EYA4: variants seen among roughly 807,000 people sequenced by gnomAD.
The protein encoded by EYA4 is protein phosphatase EYA4.
A neutral mutation model predicts 87.9 loss-of-function variants in EYA4; 31 were observed. That is an observed-to-expected ratio of 0.35 (90% confidence interval 0.27 to 0.48). The LOEUF (loss-of-function observed/expected upper bound fraction) is 0.48. Among genes scored for constraint, EYA4 ranks in the 20% least tolerant of loss-of-function variants. EYA4 has a pLI of 0.99. For missense variants in EYA4, 678 were observed against 761.4 expected, an observed-to-expected ratio of 0.89 and a Z score of 1.29; for synonymous variants, 263 against 270.6, an observed-to-expected ratio of 0.97 and a Z score of 0.28.
At chr6:133,415,497 C>T (rs574550871) in intron 3 of EYA4, among the ~76,000 whole-genome samples, 19 of 152,238 alleles carry the variant, frequency 1.2e-4, no homozygotes, top group Non-Finnish European at 1.3e-4. Context: ...ACAGCCTTTA[C>T]GCAGGCTGTT....
intron 13 of EYA4, among the ~76,000 whole-genome samples, chr6:133,495,757 A>T (rs531590228): frequency 6.6e-6 from 1 of 152,312 alleles, no homozygotes; most frequent in Admixed American, 6.5e-5. Context: ...TGTTGAGCAC[A>T]GATTGCTGCG....
intron 14 of EYA4, among the ~76,000 whole-genome samples, chr6:133,508,841 G>T (rs892466398): frequency 1.3e-5 from 2 of 152,154 alleles, no homozygotes; most frequent in Non-Finnish European, 2.9e-5. Flanking sequence ...AGGATCTTTG[G>T]TAGAAGTAGT....
intron 13 of EYA4, among the ~76,000 whole-genome samples, chr6:133,497,660 T>G (rs1322596173): frequency 1.4e-4 from 22 of 152,210 alleles, no homozygotes. Context: ...TTATTTCTAT[T>G]CCCTGATTGT....
At chr6:133,251,076 A>G (rs144465420) in intron 1 of EYA4, among the ~76,000 whole-genome samples, 1 of 152,370 alleles carries the variant, frequency 6.6e-6, no homozygotes, top group African/African-American at 2.4e-5. Flanking sequence ...GGTGCTCAAC[A>G]GTTGGCATTG....
intron 3 of EYA4, among the ~76,000 whole-genome samples, chr6:133,391,017 G>T (rs538029349): frequency 6.6e-6 from 1 of 152,146 alleles, no homozygotes; most frequent in Non-Finnish European, 1.5e-5. Context: ...AAATTGAAAG[G>T]TATGGTTTTT....
At chr6:133,346,716 G>A (rs901021142) in intron 2 of EYA4, among the ~76,000 whole-genome samples, 3 of 151,174 alleles carry the variant, frequency 2.0e-5, no homozygotes, top group African/African-American at 7.3e-5. Flanking sequence ...TCCTGTTCTC[G>A]GGCAATAATT....
intron 2 of EYA4, among the ~76,000 whole-genome samples, chr6:133,373,331 C>T (rs1405535850): frequency 6.6e-6 from 1 of 151,878 alleles, no homozygotes; most frequent in Non-Finnish European, 1.5e-5. Flanking sequence ...ATTCCAATAT[C>T]TTTAAAAAAA....
chr6:133,372,800 T>A (rs1462744759), intron 2 of EYA4, among the ~76,000 whole-genome samples: 10 of 151,828 alleles, frequency 6.6e-5, no homozygotes, highest in Non-Finnish European at 1.5e-4. Flanking sequence ...ATATATGTTG[T>A]TAAATTTAAA....
rs767362242 is a variant in EYA4, at chr6:133,530,920, CTTGA to C, written c.*2118_*2121del. On this transcript the variant is annotated 3_prime_UTR_variant, in exon 20 of 20. Coordinates refer to ENST00000355286, the MANE Select transcript of EYA4 (RefSeq NM_004100.5). ...GCAGTTAAAAAAATTTAAATGTTGC[CTTGA>C]TTATCAGTACTTAATTATGTTGTGC... The C allele has an allele frequency of 2.1e-5, 24 of 1,128,136 alleles. No individual in the cohort carries two copies. Among genetic ancestry groups the C allele is most frequent in the African/African-American group, 3.2e-5 (2 of 61,978 alleles). 69.9% of individuals were successfully genotyped at this position (1,128,136 alleles called of 1,614,324 possible). A position where few individuals can be genotyped will look rare whatever the true frequency, so the allele number is the denominator to read the frequency against.
At chr6:133,419,969 T>A (rs1015639853) in intron 3 of EYA4, among the ~76,000 whole-genome samples, 2 of 152,278 alleles carry the variant, frequency 1.3e-5, no homozygotes, top group Admixed American at 1.3e-4. Context: ...CCATTTAGTA[T>A]GTGTTATGTG....
intron 4 of EYA4, among the ~76,000 whole-genome samples, chr6:133,447,561 G>A (rs935477057): frequency 6.6e-6 from 1 of 152,094 alleles, no homozygotes; most frequent in Non-Finnish European, 1.5e-5. Flanking sequence ...TTAGATATTA[G>A]CATTTGCCAC....
intron 1 of EYA4, among the ~76,000 whole-genome samples, chr6:133,258,128 C>T (rs934488108): frequency 2.0e-5 from 3 of 152,158 alleles, no homozygotes; most frequent in African/African-American, 7.2e-5. Context: ...GAAGCTAATT[C>T]AGGAGTGAAT....
intron 2 of EYA4, among the ~76,000 whole-genome samples, chr6:133,344,257 C>T (rs143732948): frequency 1.3e-5 from 2 of 152,294 alleles, no homozygotes; most frequent in African/African-American, 2.4e-5. Context: ...TCACATCTTC[C>T]ATTTCTACAT....
intron 1 of EYA4, chr6:133,247,648 G>T (rs930299963): frequency 6.6e-6 from 1 of 152,180 alleles, no homozygotes. Flanking sequence ...TTCCACTGAA[G>T]CAGTGGTTTT....
chr6:133,373,211 C>G (rs1289007744), intron 2 of EYA4, among the ~76,000 whole-genome samples: 1 of 151,844 alleles, frequency 6.6e-6, no homozygotes, highest in Non-Finnish European at 1.5e-5. Context: ...GTTTAATGAC[C>G]AAGATGAGCT....
intron 11 of EYA4, among the ~76,000 whole-genome samples, chr6:133,470,194 G>A (rs1795212594): frequency 7.4e-6 from 1 of 135,726 alleles, no homozygotes; most frequent in African/African-American, 2.8e-5. Context: ...GTAATGCCTA[G>A]GTTTTCTTCT....
intron 11 of EYA4, among the ~76,000 whole-genome samples, chr6:133,473,281 G>C (rs992023481): frequency 2.2e-4 from 33 of 152,078 alleles, no homozygotes; most frequent in African/African-American, 7.5e-4. Context: ...ATTATTTATT[G>C]AGTATATATT....
At chr6:133,358,581 A>G (rs999969458) in intron 2 of EYA4, among the ~76,000 whole-genome samples, 4 of 152,222 alleles carry the variant, frequency 2.6e-5, no homozygotes, top group East Asian at 1.9e-4. Context: ...TTGATTGAGC[A>G]TTTTTCTAAA....
chr6:133,456,401 G>T (rs1793905903), intron 5 of EYA4, 155 bp from the exon 6 acceptor site: 1 of 672,706 alleles, frequency 1.5e-6, no homozygotes, highest in Non-Finnish European at 2.7e-6. Flanking sequence ...CTAAATGCAT[G>T]CCCGTTTAGA....
Sources: allele counts gnomAD v4.1 joint callset (sites outside exome capture counted in the v4.1 genomes callset), GRCh38; gene constraint gnomAD v4.1.1; transcripts MANE v1.5; gene names NCBI Gene and HGNC (gene_info 2026-07-23, HGNC 2026-07-21).